The following EML4 variants were observed in gnomAD, a reference collection of about 807,000 sequenced individuals.
The protein encoded by EML4 is EMAP like 4.
EML4 carries 72 observed loss-of-function variants against 129.0 expected under a neutral mutation model. That is an observed-to-expected ratio of 0.56 (90% CI 0.46 to 0.68). The LOEUF is 0.68. EML4 is among the 30% of genes least tolerant of loss of function. The probability of loss-of-function intolerance (pLI) is 0.00; values close to 1 mark genes in which losing one functional copy is unlikely to be tolerated. For missense variants in EML4, 1,363 were observed against 1,190.6 expected (o/e 1.14, Z -2.13); for synonymous variants, 532 against 405.0 (o/e 1.31, Z -3.77).
At chr2:42,292,305 A>G (rs534074958) in intron 11 of EML4, among the ~76,000 whole-genome samples, 3 of 152,348 alleles carry the variant, frequency 2.0e-5, no homozygotes, top group Non-Finnish European at 2.9e-5. Context: ...AGAAATATAT[A>G]CATGTGTTTG....
intron 1 of EML4, among the ~76,000 whole-genome samples, chr2:42,228,065 C>T (rs1426509640): frequency 6.6e-6 from 1 of 152,030 alleles, no homozygotes; most frequent in East Asian, 1.9e-4. Flanking sequence ...ACAAAAAATA[C>T]AAAAAATTAG....
At chr2:42,309,694 C>T (rs946237979) in intron 17 of EML4, among the ~76,000 whole-genome samples, 1 of 152,166 alleles carries the variant, frequency 6.6e-6, no homozygotes, top group Non-Finnish European at 1.5e-5. Flanking sequence ...TGTATATCCT[C>T]TTTAGAGAAA....
At chr2:42,284,977 T>A (rs1167926926) in intron 9 of EML4, among the ~76,000 whole-genome samples, 1 of 152,214 alleles carries the variant, frequency 6.6e-6, no homozygotes, top group Non-Finnish European at 1.5e-5. Flanking sequence ...ACATTTTCTT[T>A]ATATAAAATA....
intron 1 of EML4, among the ~76,000 whole-genome samples, chr2:42,205,307 C>T (rs1001110811): frequency 6.6e-6 from 1 of 152,138 alleles, no homozygotes; most frequent in Non-Finnish European, 1.5e-5. Context: ...TTAATGAAAA[C>T]TTCTAGTGTT....
At position 42,214,986 on chromosome 2, in the gene EML4, C is replaced by G. The variant is rs186358496; in HGVS notation, c.26-30519C>G. ...AGAGAACTACATAAGAGCATGACTA[C>G]TGGTAGGCGTGTTTCATTGGGGGTT... On this transcript the variant is annotated intron_variant, in intron 1 of 22. Transcript: ENST00000318522. Among the ~76,000 whole-genome samples, 552 of 152,316 alleles carry G rather than the reference C, an allele frequency of 3.6e-3. 4 individuals carry two copies. Among genetic ancestry groups the G allele is most frequent in the Middle Eastern group, 0.014 (4 of 294 alleles).
intron 1 of EML4, among the ~76,000 whole-genome samples, chr2:42,238,090 C>T (rs1234633663): frequency 6.6e-6 from 1 of 152,032 alleles, no homozygotes; most frequent in African/African-American, 2.4e-5. Context: ...ATAAAATTAC[C>T]TTCGGGACAT....
rs1676162179 is a variant in EML4 at position 42,256,528 on chromosome 2, C to G, written c.236C>G (p.Pro79Arg). The G allele has an allele frequency of 6.2e-7, 1 of 1,611,074 alleles. No homozygotes were observed. Among genetic ancestry groups the G allele is most frequent in the African/African-American group, 1.3e-5 (1 of 74,800 alleles). ...CAACCAAGCCCTCGAGCAGTTATTC[C>G]CATGTCCTGTATAACCAATGGAAGT... Reference protein sequence around the residue: ...KGQPSPRAVIPMSCITNGSGA... With the variant: ...KGQPSPRAVIRMSCITNGSGA... Residue 79 changes from proline to arginine, a missense_variant, in exon 3 of 23, where the codon CCC (proline) becomes CGC (arginine). Pro to Arg is a moderately radical substitution (Grantham distance 103). Transcript: ENST00000318522.
At chr2:42,181,941 T>C (rs1336468752) in intron 1 of EML4, among the ~76,000 whole-genome samples, 2 of 152,180 alleles carry the variant, frequency 1.3e-5, no homozygotes, top group Non-Finnish European at 1.5e-5. Flanking sequence ...TATGTACATA[T>C]GTGTGTGGCA....
At position 42,297,712 on chromosome 2, in the gene EML4, A is replaced by G. The variant is rs548469787; in HGVS notation, c.1489+2196A>G. Among the ~76,000 whole-genome samples the G allele has an allele frequency of 1.3e-4, 20 of 152,254 alleles. No homozygotes were observed. The East Asian group carries it at 3.3e-3, about 25-fold the overall frequency. The stretch of plus-strand genomic sequence containing the variant: ...AGTAGATCCAATTTACATATTCCCA[A>G]CTATGACATTTCTGCACCTGTGGCA... On this transcript the variant is annotated intron_variant, in intron 13 of 22. Coordinates refer to ENST00000318522, the MANE Select transcript of EML4 (RefSeq NM_019063.5).
intron 9 of EML4, 149 bp from the exon 10 acceptor site, chr2:42,286,120 A>C: frequency 5.9e-6 from 4 of 676,890 alleles, no homozygotes; most frequent in South Asian, 4.9e-5. Context: ...ATACCTACTT[A>C]AGATTCATTT....
At chr2:42,253,040 A>C (rs547031437) in intron 2 of EML4, among the ~76,000 whole-genome samples, 1 of 152,314 alleles carries the variant, frequency 6.6e-6, no homozygotes, top group Admixed American at 6.5e-5. Context: ...TGATTGGTGC[A>C]TGGATGATGA....
intron 1 of EML4, among the ~76,000 whole-genome samples, chr2:42,183,652 G>A (rs531976709): frequency 1.0e-3 from 156 of 151,484 alleles, no homozygotes; most frequent in African/African-American, 2.4e-3. Context: ...TTTTTAAATC[G>A]TTTATATTTA....
chr2:42,268,235 A>G (rs547501281), intron 6 of EML4, among the ~76,000 whole-genome samples: 4 of 152,280 alleles, frequency 2.6e-5, no homozygotes, highest in South Asian at 2.1e-4. Context: ...TTTTTGTCAT[A>G]ATTCCCTAAA....
chr2:42,308,060 A>G (rs1668716156), intron 17 of EML4, among the ~76,000 whole-genome samples: 1 of 152,266 alleles, frequency 6.6e-6, no homozygotes, highest in Non-Finnish European at 1.5e-5. Flanking sequence ...AGATCTAGAT[A>G]TCTTCTACTT....
At chr2:42,325,337 G>A (rs1314039559) in intron 19 of EML4, 130 bp from the exon 20 acceptor site, 8 of 612,060 alleles carry the variant, frequency 1.3e-5, no homozygotes, top group African/African-American at 5.4e-5. Flanking sequence ...GTTTTAGAGG[G>A]TGTGACACTG....
intron 1 of EML4, among the ~76,000 whole-genome samples, chr2:42,170,989 T>A (rs1670241389): frequency 6.6e-6 from 1 of 152,036 alleles, no homozygotes; most frequent in South Asian, 2.1e-4. Context: ...GCAGAAAAAA[T>A]TGTCGTTATA....
At chr2:42,213,161 G>A (rs909605067) in intron 1 of EML4, among the ~76,000 whole-genome samples, 16 of 152,198 alleles carry the variant, frequency 1.1e-4, no homozygotes, top group African/African-American at 3.6e-4. Context: ...CTACCTTAAC[G>A]TACAGAAAAA....
chr2:42,276,519 G>A (rs60203260), intron 6 of EML4, among the ~76,000 whole-genome samples: 17,814 of 151,996 alleles, frequency 0.12, 1,105 homozygotes, highest in Middle Eastern at 0.23. Flanking sequence ...GCTGTTCTGC[G>A]GACAGTCACT....
intron 1 of EML4, among the ~76,000 whole-genome samples, chr2:42,241,680 G>A (rs1282673678): frequency 6.6e-6 from 1 of 152,200 alleles, no homozygotes; most frequent in African/African-American, 2.4e-5. Context: ...GTGAAAGGAT[G>A]TATTTGTTTG....
Sources: gnomAD v4.1 joint callset for allele counts (sites outside exome capture counted in the v4.1 genomes callset) on GRCh38, gnomAD v4.1.1 for gene constraint, MANE v1.5 for transcripts, NCBI Gene and HGNC (gene_info 2026-07-23, HGNC 2026-07-21) for gene names.